Variants in PCDH9 observed in about 807,000 individuals in gnomAD.
PCDH9 encodes protocadherin 9, also known as protocadherin-9.
A neutral mutation model predicts 70.6 loss-of-function variants in PCDH9; 24 were observed. The ratio of observed to expected loss-of-function variants is 0.34; its 90% CI spans 0.25 to 0.48. The LOEUF is 0.48. PCDH9 is among the 20% of genes least tolerant of loss of function. The probability of loss-of-function intolerance (pLI) is 0.99; values close to 1 mark genes in which losing one functional copy is unlikely to be tolerated. For missense variants in PCDH9, 1,281 were observed against 1,503.6 expected (o/e 0.85, Z 2.45); for synonymous variants, 562 against 558.5 (o/e 1.01, Z -0.09).
At chr13:66,778,378 C>A (rs1044267089) in intron 3 of PCDH9, among the ~76,000 whole-genome samples, 1 of 152,042 alleles carries the variant, frequency 6.6e-6, no homozygotes, top group African/African-American at 2.4e-5. Flanking sequence ...CAAAAATAGC[C>A]CCTGGGTTTG....
At chr13:66,695,788 A>G (rs919109992) in intron 3 of PCDH9, among the ~76,000 whole-genome samples, 2 of 152,178 alleles carry the variant, frequency 1.3e-5, no homozygotes, top group Non-Finnish European at 2.9e-5. Flanking sequence ...CTGAACTTGA[A>G]TGTGAGATTA....
chr13:67,186,997 GGTTT>G (rs943413524), intron 2 of PCDH9, among the ~76,000 whole-genome samples: 1 of 152,068 alleles, frequency 6.6e-6, no homozygotes, highest in African/African-American at 2.4e-5. Context: ...GTATTTCATT[GGTTT>G]GTTTCTTTCA....
intron 3 of PCDH9, among the ~76,000 whole-genome samples, chr13:66,827,112 A>C (rs897172044): frequency 2.0e-5 from 3 of 152,118 alleles, no homozygotes; most frequent in African/African-American, 7.2e-5. Flanking sequence ...GACATGAAGC[A>C]AGAGGTTGGA....
At chr13:66,670,163 T>G (rs2078152773) in intron 3 of PCDH9, among the ~76,000 whole-genome samples, 1 of 152,206 alleles carries the variant, frequency 6.6e-6, no homozygotes, top group Admixed American at 6.5e-5. Flanking sequence ...TATCACATTA[T>G]GAGCATATGC....
At chr13:66,538,968 A>G (rs1960827669) in intron 4 of PCDH9, among the ~76,000 whole-genome samples, 1 of 152,130 alleles carries the variant, frequency 6.6e-6, no homozygotes, top group Admixed American at 6.6e-5. Flanking sequence ...AAAACTTTAA[A>G]ATAAATTATA....
intron 2 of PCDH9, among the ~76,000 whole-genome samples, chr13:67,084,962 G>T (rs2086066079): frequency 1.6e-5 from 1 of 62,234 alleles, no homozygotes; most frequent in Admixed American, 3.0e-4. Context: ...GCAAGATGCT[G>T]TCTCAAAAAA....
Position 67,226,576 on chromosome 13 carries a change from G to T in PCDH9, c.1865C>A (p.Pro622His). The T allele has an allele frequency of 6.2e-7, 1 of 1,613,542 alleles. No homozygotes were observed. The highest frequency in any genetic ancestry group is 8.5e-7 in the Non-Finnish European group (1 of 1,179,530). Residue 622 changes from proline (P) to histidine (H), a missense_variant, in exon 2 of 5, where the codon CCC (proline) becomes CAC (histidine). Pro to His is a moderately conservative substitution (Grantham distance 77). Transcript: ENST00000377865. The surrounding 1 kb of genome is among the most constrained non-coding windows in gnomAD (Gnocchi z 5.0). ...LNDNDNFVLD[P>H]YSGVIKSNVS... is the part of the protein sequence containing the mutation. Reference sequence around the variant, plus strand: ...ATTTGACTTTATGACTCCAGAATAGGGATCCAACACAAAATTATCATTGTC... The same window carrying T: ...ATTTGACTTTATGACTCCAGAATAGTGATCCAACACAAAATTATCATTGTC...
At chr13:66,491,845 CA>C (rs1172934914) in intron 4 of PCDH9, among the ~76,000 whole-genome samples, 1 of 152,088 alleles carries the variant, frequency 6.6e-6, no homozygotes, top group Admixed American at 6.6e-5. Flanking sequence ...CTATTAGTCA[CA>C]CCTAGTGCAG....
At chr13:66,325,145 G>T (rs550442175) in intron 4 of PCDH9, among the ~76,000 whole-genome samples, 1 of 151,874 alleles carries the variant, frequency 6.6e-6, no homozygotes. Flanking sequence ...AAACAGGTGG[G>T]GTCCCTGTAA....
chr13:66,847,693 C>T lies in PCDH9; in HGVS notation c.3138+55811G>A, dbSNP rs527936425. On this transcript the variant is annotated intron_variant, in intron 3 of 4. Coordinates refer to ENST00000377865, the MANE Select transcript of PCDH9 (RefSeq NM_203487.3). ...CATCACTACTCATGAGCTTTGGGGG[C>T]CATTATTCAGTAAAATAAAAGTTAC... is the stretch of plus-strand genomic sequence containing the variant. Among the ~76,000 whole-genome samples the T allele has an allele frequency of 3.9e-5, 6 of 152,086 alleles. 1 individual carries two copies. In the South Asian group the frequency reaches 1.2e-3, roughly 32 times the overall value.
intron 3 of PCDH9, among the ~76,000 whole-genome samples, chr13:66,775,649 A>T (rs143016256): frequency 6.6e-6 from 1 of 152,212 alleles, no homozygotes; most frequent in Non-Finnish European, 1.5e-5. Context: ...GATTTTCTTA[A>T]TAACACTTAC....
intron 3 of PCDH9, among the ~76,000 whole-genome samples, chr13:66,738,263 A>G (rs1328674636): frequency 6.6e-6 from 1 of 151,238 alleles, no homozygotes; most frequent in Non-Finnish European, 1.5e-5. Flanking sequence ...GTATTCCAAC[A>G]GACCTGCAGC....
intron 3 of PCDH9, among the ~76,000 whole-genome samples, chr13:66,684,345 C>T (rs973534570): frequency 2.6e-5 from 4 of 152,102 alleles, no homozygotes; most frequent in Admixed American, 2.0e-4. Flanking sequence ...GCCATCAATT[C>T]GGTAGTGTTG....
At chr13:66,704,621 A>G (rs1316058199) in intron 3 of PCDH9, among the ~76,000 whole-genome samples, 1 of 152,196 alleles carries the variant, frequency 6.6e-6, no homozygotes, top group African/African-American at 2.4e-5. Context: ...GGAAATTATT[A>G]TAATATCGCA....
At chr13:66,554,591 G>A (rs1961643542) in intron 4 of PCDH9, among the ~76,000 whole-genome samples, 1 of 151,892 alleles carries the variant, frequency 6.6e-6, no homozygotes, top group Non-Finnish European at 1.5e-5. Flanking sequence ...CAAAAAATCA[G>A]GGCACAAGTG....
intron 2 of PCDH9, among the ~76,000 whole-genome samples, chr13:67,122,965 G>A (rs1055022159): frequency 6.6e-6 from 1 of 151,910 alleles, no homozygotes; most frequent in African/African-American, 2.4e-5. Flanking sequence ...TAGTGACACA[G>A]ACATTGAAAA....
chr13:66,699,809 T>A (rs1032719662), intron 3 of PCDH9, among the ~76,000 whole-genome samples: 2 of 152,110 alleles, frequency 1.3e-5, no homozygotes, highest in African/African-American at 4.8e-5. Context: ...CAAAGGCAAA[T>A]ACAAGTTGCA....
intron 2 of PCDH9, among the ~76,000 whole-genome samples, chr13:66,975,391 C>T (rs1448801334): frequency 6.6e-6 from 1 of 151,998 alleles, no homozygotes; most frequent in Non-Finnish European, 1.5e-5. Context: ...CTGTGTTAGA[C>T]ATTGTCATAA....
intron 3 of PCDH9, among the ~76,000 whole-genome samples, chr13:66,722,100 A>G (rs987225921): frequency 9.2e-5 from 14 of 152,190 alleles, no homozygotes; most frequent in Admixed American, 3.3e-4. Flanking sequence ...CAGTACTTAG[A>G]GTGACCTAGA....
Sources: gnomAD v4.1 joint callset for allele counts (sites outside exome capture counted in the v4.1 genomes callset) on GRCh38, gnomAD v4.1.1 for gene constraint, Gnocchi (gnomAD v3.1) non-coding constraint, MANE v1.5 for transcripts, NCBI Gene and HGNC (gene_info 2026-07-23, HGNC 2026-07-21) for gene names.